The following PPP6R2 variants were observed in gnomAD, a reference collection of about 807,000 sequenced individuals.
PPP6R2 encodes the protein serine/threonine-protein phosphatase 6 regulatory subunit 2.
Under a neutral mutation model 100.2 loss-of-function variants are expected in PPP6R2, and 62 were observed. The observed-to-expected ratio is 0.62, with a 90% CI of 0.50 to 0.76. The LOEUF is 0.76. Ranked by LOEUF, PPP6R2 falls within the 30% of genes least tolerant of loss-of-function variation. PPP6R2 has a pLI of 0.00. For missense variants in PPP6R2, 1,142 were observed against 1,276.3 expected (o/e 0.89, Z 1.60); for synonymous variants, 525 against 514.7 (o/e 1.02, Z -0.27).
At chr22:50,434,243 G>A (rs2063708197) in intron 12 of PPP6R2, among the ~76,000 whole-genome samples, 1 of 75,188 alleles carries the variant, frequency 1.3e-5, no homozygotes. Context: ...CTGGGCAGGG[G>A]CCGGGCACTT....
intron 1 of PPP6R2, among the ~76,000 whole-genome samples, chr22:50,369,461 A>G (rs1212775385): frequency 1.3e-5 from 2 of 151,932 alleles, no homozygotes. Context: ...TTATTTTTTT[A>G]GAGATGGGGT....
At chr22:50,443,153 ACAAAAC>A (rs1186367896) in intron 22 of PPP6R2, 1 of 152,204 alleles carries the variant, frequency 6.6e-6, no homozygotes, top group African/African-American at 2.4e-5. Flanking sequence ...GTCGGCAAAA[ACAAAAC>A]CAAAACAAAC....
At chr22:50,413,785 C>G (rs1026401571) in intron 4 of PPP6R2, among the ~76,000 whole-genome samples, 1 of 151,754 alleles carries the variant, frequency 6.6e-6, no homozygotes, top group Non-Finnish European at 1.5e-5. Context: ...TGGGCCTTCT[C>G]TGTGTTCCCA....
At chr22:50,433,383 T>C (rs1250517707) in intron 12 of PPP6R2, among the ~76,000 whole-genome samples, 1 of 78,024 alleles carries the variant, frequency 1.3e-5, no homozygotes. Flanking sequence ...GGGCCGGGCA[T>C]TTGCTCTGGA....
At chr22:50,333,249 C>T in the PPP6R2 span, among the ~76,000 whole-genome samples, 3 of 151,794 alleles carry the variant, frequency 2.0e-5, no homozygotes, top group South Asian at 2.1e-4. Context: ...TATGCTTTTC[C>T]TTATACTAAT....
At chr22:50,430,017 C>A (rs1482662162) in intron 10 of PPP6R2, among the ~76,000 whole-genome samples, 1 of 152,250 alleles carries the variant, frequency 6.6e-6, no homozygotes, top group African/African-American at 2.4e-5. Context: ...CACCCCATTC[C>A]CCTCTCCATA....
chr22:50,336,937 A>T, the PPP6R2 span, among the ~76,000 whole-genome samples: 1 of 152,098 alleles, frequency 6.6e-6, no homozygotes, highest in East Asian at 1.9e-4. Flanking sequence ...TCCTTTCTTG[A>T]ACACAAACTT....
rs1029073183 is a variant in PPP6R2 at position 50,431,258 on chromosome 22, G to A, written c.1211G>A (p.Arg404His). Residue 404 changes from arginine to histidine, a missense_variant, in exon 11 of 24, where the codon CGT (arginine) becomes CAT (histidine). Arg to His is a conservative substitution (Grantham distance 29). Around this residue, in one of 2 missense-constraint regions of PPP6R2, gnomAD observed 592 missense variants for 758.9 expected, o/e 0.78. Coordinates refer to ENST00000612753, the MANE Select transcript of PPP6R2 (RefSeq NM_001242898.2). This position sits in a 1 kb window ranked among gnomAD's most constrained non-coding sequence, Gnocchi z 4.8. ...GCCGCTATTCTCTCCCACGCTGCCCGTGAGGAGAGGACAGAAGCCAGCGGA... is the reference window on the plus strand; with the variant it reads ...GCCGCTATTCTCTCCCACGCTGCCCATGAGGAGAGGACAGAAGCCAGCGGA... The part of the protein sequence containing the change: ...CIAAILSHAA[R>H]EERTEASGSE... 9.3e-6 allele frequency: 15 copies of A among 1,613,504 alleles called. No homozygotes were observed. The highest frequency in any genetic ancestry group is 4.0e-5 in the African/African-American group (3 of 74,924).
intron 1 of PPP6R2, among the ~76,000 whole-genome samples, chr22:50,350,528 G>C (rs1451091022): frequency 6.6e-6 from 1 of 150,956 alleles, no homozygotes; most frequent in Admixed American, 6.6e-5. Flanking sequence ...CACTGCGACC[G>C]GCCTGAAATG....
At chr22:50,381,917 A>C (rs1173627466) in intron 2 of PPP6R2, among the ~76,000 whole-genome samples, 1 of 151,918 alleles carries the variant, frequency 6.6e-6, no homozygotes, top group Non-Finnish European at 1.5e-5. Flanking sequence ...CAAAAAAAAA[A>C]AAAAGAAAAA....
At chr22:50,362,625 C>A (rs1447979981) in intron 1 of PPP6R2, among the ~76,000 whole-genome samples, 1 of 152,126 alleles carries the variant, frequency 6.6e-6, no homozygotes, top group Non-Finnish European at 1.5e-5. Context: ...TGTTGAAATC[C>A]TAAGTTCCAT....
At chr22:50,409,678 G>A (rs2059468148) in intron 4 of PPP6R2, among the ~76,000 whole-genome samples, 1 of 151,958 alleles carries the variant, frequency 6.6e-6, no homozygotes, top group Admixed American at 6.6e-5. Flanking sequence ...CGCCCACCTT[G>A]GCCTCCCAAA....
chr22:50,443,889 T>C lies in PPP6R2; in HGVS notation c.2603T>C (p.Leu868Pro). ...VGRVGCADSR[L>P]LSPACPAPKE... Reference sequence around the variant, plus strand: ...AGGGTCGGGTGTGCTGACAGCCGGCTGTTAAGCCCTGCCTGCCCCGCGCCA... The same window carrying C: ...AGGGTCGGGTGTGCTGACAGCCGGCCGTTAAGCCCTGCCTGCCCCGCGCCA... Residue 868 changes from leucine to proline, a missense_variant, in exon 23 of 24, where the codon CTG becomes CCG. Around this residue, in one of 2 missense-constraint regions of PPP6R2, gnomAD observed 550 missense variants for 517.4 expected, o/e 1.06. Coordinates refer to ENST00000612753, the MANE Select transcript of PPP6R2 (RefSeq NM_001242898.2). 6.3e-7 allele frequency: 1 copy of C among 1,585,150 alleles called. No individual in the cohort carries two copies. Among genetic ancestry groups the C allele is most frequent in the Non-Finnish European group, 8.6e-7 (1 of 1,165,564 alleles).
chr22:50,412,231 C>G (rs750897783), intron 4 of PPP6R2, among the ~76,000 whole-genome samples: 25 of 151,668 alleles, frequency 1.6e-4, no homozygotes, highest in Non-Finnish European at 3.4e-4. Flanking sequence ...TCACTCTATC[C>G]CCCAGGCTGG....
chr22:50,415,328 C>T (rs758671506), intron 5 of PPP6R2, among the ~76,000 whole-genome samples: 4 of 152,238 alleles, frequency 2.6e-5, no homozygotes, highest in Non-Finnish European at 5.9e-5. Context: ...AATCAGGACT[C>T]ATCCGATGAC....
At chr22:50,422,432 T>C (rs772723203) in intron 9 of PPP6R2, 52 bp downstream of exon 9, 19 of 1,599,160 alleles carry the variant, frequency 1.2e-5, no homozygotes, top group Admixed American at 8.5e-5. Context: ...GCAGGAGAGG[T>C]TGATTTGCAG....
At chr22:50,403,642 G>A (rs1354254067) in intron 3 of PPP6R2, among the ~76,000 whole-genome samples, 6 of 152,152 alleles carry the variant, frequency 3.9e-5, no homozygotes, top group African/African-American at 1.4e-4. Context: ...CACACATCCA[G>A]CTTGCAGTGC....
the PPP6R2 span, among the ~76,000 whole-genome samples, chr22:50,333,783 T>C: frequency 6.6e-6 from 1 of 152,182 alleles, no homozygotes; most frequent in Non-Finnish European, 1.5e-5. Flanking sequence ...AGCTGGGCCC[T>C]GGGGACCACT....
At chr22:50,338,511 AGTG>A (rs1218370775), upstream of PPP6R2, among the ~76,000 whole-genome samples, 11 of 74,758 alleles carry the variant, frequency 1.5e-4, no homozygotes, top group African/African-American at 5.7e-4. Context: ...TGGTGTGTGT[AGTG>A]TGTGTGTGCG....
Sources: allele counts gnomAD v4.1 joint callset (sites outside exome capture counted in the v4.1 genomes callset), GRCh38; gene constraint gnomAD v4.1.1; regional missense constraint gnomAD v4.1.1; non-coding constraint Gnocchi (gnomAD v3.1); transcripts MANE v1.5; gene names NCBI Gene and HGNC (gene_info 2026-07-23, HGNC 2026-07-21).